The following C8orf58 variants were observed in gnomAD, a reference collection of about 807,000 sequenced individuals.
C8orf58 encodes the protein uncharacterized protein C8orf58.
In C8orf58, 31 loss-of-function variants were observed where a neutral mutation model predicts 36.8. The ratio of observed to expected loss-of-function variants is 0.84; its 90% CI spans 0.63 to 1.14. The LOEUF is 1.14. Ranked by LOEUF, C8orf58 falls within the 50% of genes most tolerant of loss-of-function variation. The pLI, the probability that C8orf58 is intolerant of heterozygous loss-of-function variation, is 0.00. For synonymous variants in C8orf58, 230 were observed against 200.2 expected (o/e 1.15, Z -1.26); for missense variants, 538 against 480.8 (o/e 1.12, Z -1.11).
rs763885703 is a variant in C8orf58, at chr8:22,601,420, C to A, written c.516+63C>A. 3.0e-6 allele frequency: 4 copies of A among 1,334,584 alleles called. No homozygotes were observed. The South Asian group carries it at 6.0e-5, about 20-fold the overall frequency. 82.7% of individuals were successfully genotyped at this position (1,334,584 alleles called of 1,614,324 possible). ...TGGACAGCCTAGCTCCTCTGGTTCT[C>A]CCTGGAGCTCTCTCTGGGTGGGGCA... On this transcript the variant is annotated intron_variant, in intron 2 of 6. Transcript: ENST00000289989.
chr8:22,602,317 G>C lies in C8orf58; in HGVS notation c.879+5G>C, dbSNP rs756622736. The stretch of plus-strand genomic sequence containing the variant: ...CCATCCTCCCAGGGACACAAGGTAG[G>C]GGACAGGTATATGTGGGGCAGGTGG... On this transcript the variant is annotated splice_donor_5th_base_variant and intron_variant, in intron 5 of 6. Transcript: ENST00000289989. 5 of 1,583,430 alleles carry C rather than the reference G, an allele frequency of 3.2e-6. No homozygotes were observed. The highest frequency in any genetic ancestry group is 4.3e-6 in the Non-Finnish European group (5 of 1,163,210).
chr8:22,600,291 C>T (rs746011), intron 1 of C8orf58: 39,392 of 155,088 alleles, frequency 0.25, 5,801 homozygotes, highest in South Asian at 0.37. Flanking sequence ...CTTTCTTTCA[C>T]TTCAGTTCTT....
At position 22,601,163 on chromosome 8, in the gene C8orf58, C is replaced by T. The variant is rs1376040503; in HGVS notation, c.322C>T (p.Leu108Phe). The T allele has an allele frequency of 2.5e-6, 4 of 1,610,212 alleles. No homozygotes were observed. The highest frequency in any genetic ancestry group is 2.7e-5 in the African/African-American group (2 of 74,902). Residue 108 changes from leucine (L) to phenylalanine (F), a missense_variant, in exon 2 of 7, where the codon CTC (leucine) becomes TTC (phenylalanine). Leu to Phe is a conservative substitution (Grantham distance 22). Coordinates refer to ENST00000289989, the MANE Select transcript of C8orf58 (RefSeq NM_001013842.3). Reference sequence around the variant, plus strand: ...TGAGCCCCCCGCCCAGGTAGGCCGACTCCTGGCCAGCCAGAAGCTGGGGGA... The same window carrying T: ...TGAGCCCCCCGCCCAGGTAGGCCGATTCCTGGCCAGCCAGAAGCTGGGGGA... ...SSEPPAQVGR[L>F]LASQKLGEVL...
chr8:22,601,620 C>G (rs1438528059), intron 2 of C8orf58, 92 bp from the exon 3 acceptor site: 23 of 1,429,780 alleles, frequency 1.6e-5, no homozygotes, highest in Non-Finnish European at 2.0e-5. Flanking sequence ...GCCCACTCTG[C>G]TCCCATCTGC....
chr8:22,601,478 G>C (rs1563891783), intron 2 of C8orf58, 121 bp downstream of exon 2: 1 of 961,620 alleles, frequency 1.0e-6, no homozygotes, highest in East Asian at 2.7e-5. Flanking sequence ...TTGTGTCATA[G>C]GTTCTTTCTG....
At chr8:22,601,486 C>A in intron 2 of C8orf58, 129 bp downstream of exon 2, 1 of 945,318 alleles carries the variant, frequency 1.1e-6, no homozygotes, top group South Asian at 1.8e-5. Context: ...TAGGTTCTTT[C>A]TGCACCCCAG....
At position 22,602,029 on chromosome 8, in the gene C8orf58, G is replaced by T. The variant is rs1166530729; in HGVS notation, c.715G>T (p.Gly239Cys). ...TTTACCGTCCCCGTTACACACCCCA[G>T]GCAATCGGGGGCAGGGGCCATGGGA... ...APLPSPLHTP[G>C]NRGQGPWELL... Residue 239 changes from glycine to cysteine, a missense_variant, in exon 4 of 7, where the codon GGC becomes TGC. Physicochemically the swap from Gly to Cys is radical, Grantham distance 159 (BLOSUM62 -3). Transcript: ENST00000289989. 2.5e-6 allele frequency: 4 copies of T among 1,579,432 alleles called. No individual in the cohort carries two copies. Among genetic ancestry groups the T allele is most frequent in the Non-Finnish European group, 3.5e-6 (4 of 1,159,116 alleles).
rs977864579 is a variant in C8orf58, at chr8:22,603,183, T to C, written c.987-12T>C. 4 of 1,594,082 alleles carry C rather than the reference T, an allele frequency of 2.5e-6. No individual in the cohort carries two copies. The highest frequency in any genetic ancestry group is 2.7e-5 in the African/African-American group (2 of 74,480). On this transcript the variant is annotated splice_polypyrimidine_tract_variant and intron_variant, in intron 6 of 6. Transcript: ENST00000289989. The stretch of plus-strand genomic sequence containing the variant: ...CCCCCTTCTAGCCTAATGTCTTCTT[T>C]TCATTCCACAGGATCGAGTCCAGGG...
chr8:22,600,671 G>A (rs747153981), intron 1 of C8orf58, among the ~76,000 whole-genome samples: 6 of 152,202 alleles, frequency 3.9e-5, no homozygotes, highest in African/African-American at 1.4e-4. Flanking sequence ...TCAGAGCACG[G>A]GTTCCCTGTC....
chr8:22,602,035 C>CG lies in C8orf58; in HGVS notation c.726dup (p.Gln243AlafsTer76). The CG allele has an allele frequency of 6.3e-7, 1 of 1,580,686 alleles. No homozygotes were observed. Among genetic ancestry groups the CG allele is most frequent in the Non-Finnish European group, 8.6e-7 (1 of 1,159,680 alleles). On this transcript the variant is annotated frameshift_variant, in exon 4 of 7. Coordinates refer to ENST00000289989, the MANE Select transcript of C8orf58 (RefSeq NM_001013842.3). LOFTEE classifies it high-confidence loss of function. The stretch of plus-strand genomic sequence containing the variant: ...GTCCCCGTTACACACCCCAGGCAAT[C>CG]GGGGGCAGGGGCCATGGGAGCTGCT...
At chr8:22,603,085 G>A (rs1800918187) in intron 6 of C8orf58, 110 bp from the exon 7 acceptor site, 2 of 783,164 alleles carry the variant, frequency 2.6e-6, no homozygotes, top group Admixed American at 4.3e-5. Flanking sequence ...GCCCCGGGCT[G>A]CGCCCACACC....
At position 22,602,221 on chromosome 8, in the gene C8orf58, C is replaced by T. The variant is rs1302509391; in HGVS notation, c.788C>T (p.Pro263Leu). 5 of 1,604,934 alleles carry T rather than the reference C, an allele frequency of 3.1e-6. No individual in the cohort carries two copies. Among genetic ancestry groups the T allele is most frequent in the South Asian group, 1.1e-5 (1 of 88,928 alleles). The change falls in exon 5 of 7, where the codon CCA (proline) becomes CTA (leucine). Residue 263 changes from proline (P) to leucine (L), a missense_variant. Pro to Leu is a moderately conservative substitution (Grantham distance 98). Transcript: ENST00000289989. ...EHTGAKAASPPKVEVPSANPP... is the reference protein window; with the variant it reads ...EHTGAKAASPLKVEVPSANPP... ...GAAGGAGCAAAGGCTGCTTCACCCC[C>T]AAAGGTGGAGGTGCCCAGTGCCAAC...
chr8:22,602,955 C>G, intron 6 of C8orf58: 1 of 592,088 alleles, frequency 1.7e-6, no homozygotes, highest in Non-Finnish European at 3.0e-6. Flanking sequence ...AGGCCACCTT[C>G]CAGGTTCGTG....
At position 22,599,643 on chromosome 8, in the gene C8orf58, G is replaced by A; in HGVS notation, c.-78G>A. ...AGCTGGGTCGGGACGCGCTCCCTGA[G>A]CTGCCCGAGCTCCGCGGGGACTCGG... On this transcript the variant is annotated 5_prime_UTR_variant, in exon 1 of 7. Coordinates refer to ENST00000289989, the MANE Select transcript of C8orf58 (RefSeq NM_001013842.3). The A allele has an allele frequency of 1.2e-6, 1 of 829,946 alleles. No homozygotes were observed. The highest frequency in any genetic ancestry group is 1.6e-6 in the Non-Finnish European group (1 of 634,844). 51.4% of individuals were successfully genotyped at this position (829,946 alleles called of 1,614,324 possible).
intron 1 of C8orf58, chr8:22,600,020 T>G: frequency 6.3e-6 from 2 of 316,874 alleles, no homozygotes; most frequent in East Asian, 4.8e-5. Flanking sequence ...TTCCCTCGCC[T>G]TCCCGCTCCT....
Position 22,601,966 on chromosome 8 carries a change from G to A in C8orf58, c.658-6G>A, listed in dbSNP as rs781069791. 6.4e-7 allele frequency: 1 copy of A among 1,552,594 alleles called. No homozygotes were observed. The highest frequency in any genetic ancestry group is 8.7e-7 in the Non-Finnish European group (1 of 1,146,022). On this transcript the variant is annotated splice_region_variant and splice_polypyrimidine_tract_variant and intron_variant, in intron 3 of 6. Coordinates refer to ENST00000289989, the MANE Select transcript of C8orf58 (RefSeq NM_001013842.3). ...GGCCCTGATCACCTGTCTCTCCTGTGCATAGGATCCCGGCGAGGAGGAGTC... is the reference window on the plus strand; with the variant it reads ...GGCCCTGATCACCTGTCTCTCCTGTACATAGGATCCCGGCGAGGAGGAGTC...
Position 22,602,049 on chromosome 8 carries a change from A to G in C8orf58, c.735A>G (p.Pro245=), listed in dbSNP as rs1353699736. ...LHTPGNRGQG[P]WELLSQTEHT... is the part of the protein sequence containing the mutation. The stretch of plus-strand genomic sequence containing the variant: ...CCCCAGGCAATCGGGGGCAGGGGCC[A>G]TGGGAGCTGCTAAGCCAGACAGAGC... Residue 245 remains proline (P), a synonymous_variant, in exon 4 of 7, where the codon CCA becomes CCG. Transcript: ENST00000289989. The G allele has an allele frequency of 6.3e-6, 10 of 1,579,454 alleles. No individual in the cohort carries two copies. The highest frequency in any genetic ancestry group is 8.6e-6 in the Non-Finnish European group (10 of 1,159,598).
intron 2 of C8orf58, 68 bp downstream of exon 2, chr8:22,601,425 G>C: frequency 2.3e-5 from 30 of 1,315,500 alleles, no homozygotes; most frequent in Non-Finnish European, 3.0e-5. Context: ...GTTCTCCCTG[G>C]AGCTCTCTCT....
chr8:22,602,589 G>T lies in C8orf58; in HGVS notation c.932G>T (p.Arg311Leu). The stretch of plus-strand genomic sequence containing the variant: ...AAGGTCCTGCTCAACCGGATCTGCC[G>T]GAGAAGCCACCACCACCCTGAGCCC... Reference protein sequence around the residue: ...KVKVLLNRICRRSHHHPEPPA... With the variant: ...KVKVLLNRICLRSHHHPEPPA... Residue 311 changes from arginine (R) to leucine (L), a missense_variant, in exon 6 of 7, where the codon CGG (arginine) becomes CTG (leucine). Coordinates refer to ENST00000289989, the MANE Select transcript of C8orf58 (RefSeq NM_001013842.3). The T allele has an allele frequency of 6.3e-7, 1 of 1,575,546 alleles. No homozygotes were observed.
Sources: allele counts gnomAD v4.1 joint callset (sites outside exome capture counted in the v4.1 genomes callset), GRCh38; gene constraint gnomAD v4.1.1; transcripts MANE v1.5; gene names NCBI Gene and HGNC (gene_info 2026-07-23, HGNC 2026-07-21).